Variants in ZFAT observed in about 807,000 individuals in gnomAD.
ZFAT encodes zinc finger and AT-hook domain containing.
ZFAT carries 64 observed loss-of-function variants against 117.7 expected under a neutral mutation model. The observed-to-expected ratio is 0.54, with a 90% CI of 0.44 to 0.67. The LOEUF (loss-of-function observed/expected upper bound fraction) is 0.67. Ranked by LOEUF, ZFAT falls within the 30% of genes least tolerant of loss-of-function variation. ZFAT has a pLI of 0.00. For missense variants in ZFAT, 1,433 were observed against 1,584.5 expected (o/e 0.90, Z 1.62); for synonymous variants, 679 against 615.0 (o/e 1.10, Z -1.54).
At chr8:134,622,100 C>G (rs1443319771) in intron 3 of ZFAT, among the ~76,000 whole-genome samples, 1 of 152,196 alleles carries the variant, frequency 6.6e-6, no homozygotes, top group African/African-American at 2.4e-5. Context: ...GCCAGTCTGT[C>G]GACTTCACGC....
At chr8:134,625,030 G>A (rs569475437) in intron 3 of ZFAT, among the ~76,000 whole-genome samples, 107 of 152,284 alleles carry the variant, frequency 7.0e-4, no homozygotes, top group African/African-American at 2.5e-3. Context: ...TATATTCTGG[G>A]ACTCTGCCAC....
At chr8:134,710,872 A>G (rs1813966536) in intron 1 of ZFAT, among the ~76,000 whole-genome samples, 1 of 152,224 alleles carries the variant, frequency 6.6e-6, no homozygotes. Context: ...CTGAATTTCT[A>G]TGCTACCAAT....
At chr8:134,543,229 G>A (rs1447774316) in intron 11 of ZFAT, among the ~76,000 whole-genome samples, 1 of 148,502 alleles carries the variant, frequency 6.7e-6, no homozygotes, top group African/African-American at 2.5e-5. Context: ...ATGGGGTCAT[G>A]TACAAATCCC....
chr8:134,800,379 A>T, the ZFAT span: 1 of 379,528 alleles, frequency 2.6e-6, no homozygotes, highest in Non-Finnish European at 5.1e-6. Flanking sequence ...TGCCAGCTAG[A>T]CAATTAACAC....
At chr8:134,591,777 C>T (rs148279729) in intron 7 of ZFAT, among the ~76,000 whole-genome samples, 8 of 152,264 alleles carry the variant, frequency 5.3e-5, no homozygotes, top group Non-Finnish European at 1.0e-4. Context: ...CCAAGAAATG[C>T]CAAAGACAGA....
intron 9 of ZFAT, 80 bp downstream of exon 9, chr8:134,588,166 T>C: frequency 6.9e-7 from 1 of 1,452,344 alleles, no homozygotes; most frequent in Non-Finnish European, 9.2e-7. Context: ...AAGATACGGC[T>C]TCCTCTTAAT....
At chr8:134,550,829 T>C (rs4909478) in intron 11 of ZFAT, among the ~76,000 whole-genome samples, 119,919 of 152,086 alleles carry the variant, frequency 0.79, 47,610 homozygotes, top group East Asian at 0.91. Context: ...GGCCCTGCCA[T>C]GCATCCCGCT....
the ZFAT span, among the ~76,000 whole-genome samples, chr8:134,763,181 T>C: frequency 1.3e-5 from 2 of 152,232 alleles, no homozygotes; most frequent in African/African-American, 4.8e-5. Flanking sequence ...AAAAAATGTA[T>C]ATCAGATATA....
At chr8:134,622,247 C>G (rs1293523029) in intron 3 of ZFAT, among the ~76,000 whole-genome samples, 2 of 152,188 alleles carry the variant, frequency 1.3e-5, no homozygotes, top group African/African-American at 2.4e-5. Context: ...GTGCGTTTTC[C>G]CCAGGTGCTG....
intron 15 of ZFAT, 66 bp downstream of exon 15, chr8:134,509,553 G>A (rs1819655528): frequency 6.2e-7 from 1 of 1,602,924 alleles, no homozygotes; most frequent in South Asian, 1.1e-5. Flanking sequence ...TAGAAACACA[G>A]GGAGAAGGAG....
Position 134,539,267 on chromosome 8 carries a change from G to A in ZFAT, c.2977-6295C>T, listed in dbSNP as rs554493082. Among the ~76,000 whole-genome samples, 7 of 152,334 alleles carry A rather than the reference G, an allele frequency of 4.6e-5. No individual in the cohort carries two copies. The South Asian group carries it at 1.5e-3, about 32-fold the overall frequency. On this transcript the variant is annotated intron_variant, in intron 11 of 15. Coordinates refer to ENST00000377838, the MANE Select transcript of ZFAT (RefSeq NM_020863.4). The stretch of plus-strand genomic sequence containing the variant: ...AAGGTCATGACATTGGCAACTGACT[G>A]CAATGTACAGGATGGCTTTTTGGCA...
chr8:134,658,065 C>T (rs959033401), intron 1 of ZFAT, among the ~76,000 whole-genome samples: 5 of 152,178 alleles, frequency 3.3e-5, no homozygotes, highest in South Asian at 2.1e-4. Flanking sequence ...CGGCCGGGCG[C>T]GGTGGCGCAC....
At chr8:134,562,485 T>A (rs907980975) in intron 11 of ZFAT, among the ~76,000 whole-genome samples, 1 of 152,228 alleles carries the variant, frequency 6.6e-6, no homozygotes, top group African/African-American at 2.4e-5. Context: ...TCATTTTGTT[T>A]GTCAGTCCCA....
At chr8:134,547,836 T>C (rs1321510672) in intron 11 of ZFAT, among the ~76,000 whole-genome samples, 2 of 152,200 alleles carry the variant, frequency 1.3e-5, no homozygotes, top group Non-Finnish European at 2.9e-5. Flanking sequence ...CTGGTGAGTG[T>C]GAAGAATCCC....
At chr8:134,744,727 C>CTTTTTTTT in the ZFAT span, among the ~76,000 whole-genome samples, 3 of 103,518 alleles carry the variant, frequency 2.9e-5, no homozygotes, top group Admixed American at 1.2e-4. Flanking sequence ...GCCTACTCTC[C>CTTTTTTTT]TTTTTTTTTT....
At chr8:134,645,265 T>A (rs2131146597) in intron 2 of ZFAT, among the ~76,000 whole-genome samples, 2 of 152,360 alleles carry the variant, frequency 1.3e-5, no homozygotes, top group African/African-American at 4.8e-5. Context: ...GCTCTCAATT[T>A]AAAATGAATT....
At chr8:134,715,407 GA>G (rs1814200604), upstream of ZFAT, among the ~76,000 whole-genome samples, 1 of 152,134 alleles carries the variant, frequency 6.6e-6, no homozygotes, top group Non-Finnish European at 1.5e-5. Context: ...ATTATTACTG[GA>G]AACTGTCCTG....
At chr8:134,774,683 G>A in the ZFAT span, among the ~76,000 whole-genome samples, 1 of 152,114 alleles carries the variant, frequency 6.6e-6, no homozygotes, top group South Asian at 2.1e-4. Context: ...CTTCTTTATT[G>A]TAATATTTAC....
Position 134,502,318 on chromosome 8 carries a change from G to T in ZFAT, c.3492+7301C>A, listed in dbSNP as rs564779504. Among the ~76,000 whole-genome samples the T allele has an allele frequency of 2.0e-5, 3 of 152,338 alleles. No homozygotes were observed. In the South Asian group the frequency reaches 6.2e-4, roughly 32 times the overall value. ...GAGCCCTTGTCCAGATGGGCAGTGA[G>T]AAAGGGGTCAGGGGACCACATTACT... On this transcript the variant is annotated intron_variant, in intron 15 of 15. Coordinates refer to ENST00000377838, the MANE Select transcript of ZFAT (RefSeq NM_020863.4).
Sources: gnomAD v4.1 joint callset for allele counts (sites outside exome capture counted in the v4.1 genomes callset) on GRCh38, gnomAD v4.1.1 for gene constraint, MANE v1.5 for transcripts, NCBI Gene and HGNC (gene_info 2026-07-23, HGNC 2026-07-21) for gene names.